Variants in ADGRB3 observed in about 807,000 individuals in gnomAD.
ADGRB3 encodes the protein brain-specific angiogenesis inhibitor 3.
In ADGRB3, 37 loss-of-function variants were observed where a neutral mutation model predicts 193.4. The ratio of observed to expected loss-of-function variants is 0.19; its 90% CI spans 0.15 to 0.25. The LOEUF is 0.25. ADGRB3 is among the 10% of genes least tolerant of loss of function. The probability of loss-of-function intolerance (pLI) is 1.00; values close to 1 mark genes in which losing one functional copy is unlikely to be tolerated. For synonymous variants in ADGRB3, 690 were observed against 644.2 expected (o/e 1.07, Z -1.08); for missense variants, 1,637 against 1,852.9 (o/e 0.88, Z 2.14).
chr6:68,747,813 T>A (rs1405331738), intron 3 of ADGRB3, among the ~76,000 whole-genome samples: 2 of 152,108 alleles, frequency 1.3e-5, no homozygotes, highest in Non-Finnish European at 2.9e-5. Context: ...CATTAGCAGT[T>A]GTATTAGTCG....
intron 3 of ADGRB3, among the ~76,000 whole-genome samples, chr6:68,744,815 A>AC (rs751300533): frequency 2.0e-5 from 3 of 152,220 alleles, no homozygotes; most frequent in Non-Finnish European, 4.4e-5. Flanking sequence ...GCAGCAAACC[A>AC]CCATGGCACG....
intron 3 of ADGRB3, among the ~76,000 whole-genome samples, chr6:68,860,619 C>G (rs1765125593): frequency 6.6e-6 from 1 of 152,124 alleles, no homozygotes; most frequent in African/African-American, 2.4e-5. Context: ...TATATATATG[C>G]CACATATTCT....
chr6:68,939,060 TG>T (rs1767565080), intron 5 of ADGRB3, among the ~76,000 whole-genome samples: 2 of 152,280 alleles, frequency 1.3e-5, no homozygotes, highest in African/African-American at 4.8e-5. Flanking sequence ...ATATGAAAGT[TG>T]CCTTCCTTCT....
chr6:69,162,650 C>T (rs1775028728), intron 17 of ADGRB3, among the ~76,000 whole-genome samples: 1 of 151,702 alleles, frequency 6.6e-6, no homozygotes, highest in Non-Finnish European at 1.5e-5. Flanking sequence ...TTAAAGGTGC[C>T]AAGAGAATCA....
intron 17 of ADGRB3, among the ~76,000 whole-genome samples, chr6:69,213,049 G>A (rs962515458): frequency 6.6e-6 from 1 of 152,106 alleles, no homozygotes; most frequent in African/African-American, 2.4e-5. Flanking sequence ...CATTAGTGCG[G>A]CTATAGATGA....
intron 13 of ADGRB3, among the ~76,000 whole-genome samples, chr6:69,022,335 A>G (rs931614367): frequency 6.6e-6 from 1 of 151,870 alleles, no homozygotes; most frequent in African/African-American, 2.4e-5. Context: ...ATTAGTATCA[A>G]TTAGGTCTGG....
At chr6:68,791,232 T>C (rs1767101298) in intron 3 of ADGRB3, among the ~76,000 whole-genome samples, 1 of 152,132 alleles carries the variant, frequency 6.6e-6, no homozygotes, top group South Asian at 2.1e-4. Flanking sequence ...ATTCTAAAGG[T>C]AATATTCATT....
At chr6:68,749,100 G>T (rs1486760235) in intron 3 of ADGRB3, among the ~76,000 whole-genome samples, 2 of 152,042 alleles carry the variant, frequency 1.3e-5, no homozygotes, top group South Asian at 2.1e-4. Flanking sequence ...TTTTCCTCCT[G>T]GGCCTCTTGG....
chr6:69,362,174 G>A (rs1769468113), intron 29 of ADGRB3, among the ~76,000 whole-genome samples: 1 of 151,816 alleles, frequency 6.6e-6, no homozygotes, highest in South Asian at 2.1e-4. Context: ...CAACCACATG[G>A]CCTTTTTGTT....
intron 3 of ADGRB3, among the ~76,000 whole-genome samples, chr6:68,843,010 G>T (rs1478875355): frequency 6.9e-6 from 1 of 143,926 alleles, no homozygotes; most frequent in Non-Finnish European, 1.5e-5. Flanking sequence ...GCTGGGTGTA[G>T]AAAGAATGTA....
chr6:68,823,650 C>A (rs1427932164), intron 3 of ADGRB3, among the ~76,000 whole-genome samples: 1 of 152,014 alleles, frequency 6.6e-6, no homozygotes, highest in East Asian at 1.9e-4. Context: ...GACTAACAAT[C>A]TTGATGCAAA....
At chr6:68,848,794 A>G (rs144091088) in intron 3 of ADGRB3, among the ~76,000 whole-genome samples, 6 of 152,126 alleles carry the variant, frequency 3.9e-5, no homozygotes, top group Middle Eastern at 6.8e-3. Context: ...TTATTCTCTC[A>G]GGTACAGTCC....
chr6:69,044,717 C>T (rs1771190398), intron 13 of ADGRB3, among the ~76,000 whole-genome samples: 1 of 152,140 alleles, frequency 6.6e-6, no homozygotes, highest in Admixed American at 6.5e-5. Context: ...AGTGATGAGT[C>T]ACCTATTTTT....
chr6:69,188,217 T>G (rs369419314), intron 17 of ADGRB3, among the ~76,000 whole-genome samples: 50 of 152,286 alleles, frequency 3.3e-4, no homozygotes, highest in Admixed American at 1.2e-3. Flanking sequence ...GCTTTTACCC[T>G]GATAGGGAAA....
At chr6:68,933,684 T>C (rs1362677434) in intron 4 of ADGRB3, among the ~76,000 whole-genome samples, 1 of 152,240 alleles carries the variant, frequency 6.6e-6, no homozygotes, top group African/African-American at 2.4e-5. Flanking sequence ...TATTAATATT[T>C]TGTTCATAAT....
intron 29 of ADGRB3, among the ~76,000 whole-genome samples, chr6:69,366,326 C>A (rs1769567082): frequency 6.6e-6 from 1 of 151,986 alleles, no homozygotes; most frequent in Admixed American, 6.6e-5. Flanking sequence ...GATTTGCTAC[C>A]AGAACTTTCT....
intron 13 of ADGRB3, among the ~76,000 whole-genome samples, chr6:69,021,620 C>T (rs1770273452): frequency 6.6e-6 from 1 of 151,770 alleles, no homozygotes; most frequent in Non-Finnish European, 1.5e-5. Context: ...CATGTCTCAC[C>T]TTTGAGAGCA....
intron 3 of ADGRB3, among the ~76,000 whole-genome samples, chr6:68,897,887 A>G (rs1423040086): frequency 6.7e-6 from 1 of 149,332 alleles, no homozygotes; most frequent in African/African-American, 2.4e-5. Context: ...AAAGAAAGAA[A>G]AAAGAAAAGC....
intron 29 of ADGRB3, among the ~76,000 whole-genome samples, chr6:69,364,204 T>G (rs1393895815): frequency 1.3e-5 from 2 of 151,922 alleles, no homozygotes; most frequent in African/African-American, 4.8e-5. Context: ...TTTCACAAAC[T>G]GCCAGCATGG....
Sources: allele counts gnomAD v4.1 joint callset (sites outside exome capture counted in the v4.1 genomes callset), GRCh38; gene constraint gnomAD v4.1.1; transcripts MANE v1.5; gene names NCBI Gene and HGNC (gene_info 2026-07-23, HGNC 2026-07-21).